The following ACSM5 variants were observed in gnomAD, a reference collection of about 807,000 sequenced individuals.
ACSM5 encodes the protein acyl-coenzyme A synthetase ACSM5, mitochondrial.
Under a neutral mutation model 71.6 loss-of-function variants are expected in ACSM5, and 56 were observed. The ratio of observed to expected loss-of-function variants is 0.78; its 90% CI spans 0.63 to 0.98. The LOEUF (loss-of-function observed/expected upper bound fraction) is 0.98, where lower values mean the gene tolerates loss of function less well. Ranked by LOEUF, ACSM5 falls within the 50% of genes least tolerant of loss-of-function variation. The probability of loss-of-function intolerance (pLI) is 0.00; values close to 1 mark genes in which losing one functional copy is unlikely to be tolerated. For synonymous variants in ACSM5, 285 were observed against 281.5 expected (o/e 1.01, Z -0.12); for missense variants, 723 against 726.0 (o/e 1.00, Z 0.05).
intron 4 of ACSM5, 48 bp from the exon 5 acceptor site, chr16:20,421,206 TACTA>T (rs1303985648): frequency 1.5e-5 from 22 of 1,508,668 alleles, no homozygotes; most frequent in Admixed American, 2.0e-5. Flanking sequence ...TTATTGGTGC[TACTA>T]ACTGTTTTTA....
At chr16:20,419,954 C>A (rs1371857999) in intron 4 of ACSM5, among the ~76,000 whole-genome samples, 1 of 152,186 alleles carries the variant, frequency 6.6e-6, no homozygotes, top group Non-Finnish European at 1.5e-5. Context: ...GTGATGGGCC[C>A]TTTAACCCAG....
At chr16:20,417,161 T>G (rs151293236) in intron 2 of ACSM5, among the ~76,000 whole-genome samples, 2 of 152,138 alleles carry the variant, frequency 1.3e-5, no homozygotes, top group East Asian at 1.9e-4. Flanking sequence ...AAAGTTAACA[T>G]AGAGTTATTA....
At chr16:20,436,972 C>CT in intron 10 of ACSM5, 80 bp from the exon 11 acceptor site, 1 of 1,514,890 alleles carries the variant, frequency 6.6e-7, no homozygotes, top group Non-Finnish European at 9.1e-7. Flanking sequence ...CTCCAGCTTC[C>CT]TACAGGGGGC....
chr16:20,414,774 C>A lies in ACSM5; in HGVS notation c.204+3086C>A, dbSNP rs567916863. Among the ~76,000 whole-genome samples the A allele has an allele frequency of 4.6e-5, 7 of 152,252 alleles. No homozygotes were observed. The East Asian group carries it at 1.4e-3, about 29-fold the overall frequency. ...GGAGCACGGAAAAAAGCCTAGATTG[C>A]CTTGAGCAGACTGTTAGTAGAAATG... On this transcript the variant is annotated intron_variant, in intron 2 of 13. Transcript: ENST00000331849.
In ACSM5 at chr16:20,440,834, GCAGGAA is replaced by G. The variant is rs1430902101; in HGVS notation, c.*410_*415del. On this transcript the variant is annotated 3_prime_UTR_variant, in exon 14 of 14. Transcript: ENST00000331849. ...GTATGTAACCATTTGGCAAAAGTAT[GCAGGAA>G]CATAAAATAAAATATCCTTTAGCTC... The G allele has an allele frequency of 6.3e-6, 1 of 158,852 alleles. No individual in the cohort carries two copies. 9.8% of individuals were successfully genotyped at this position (158,852 alleles called of 1,614,324 possible). A position where few individuals can be genotyped will look rare whatever the true frequency, so the allele number is the denominator to read the frequency against.
At chr16:20,433,677 A>G (rs922450662) in intron 10 of ACSM5, among the ~76,000 whole-genome samples, 2 of 114,138 alleles carry the variant, frequency 1.8e-5, no homozygotes, top group African/African-American at 9.2e-5. Flanking sequence ...CAACTATTTA[A>G]TACAATTTTT....
rs1173470620 is a variant in ACSM5 at position 20,424,070 on chromosome 16, G to A, written c.921+1G>A. ...AGTTGATGCCAAAGTTATCCTGAAT[G>A]TAAGAGGAAAAACCAACAATACCCC... On this transcript the variant is annotated splice_donor_variant, in intron 6 of 13. Transcript: ENST00000331849. LOFTEE classifies it high-confidence loss of function. 1 of 1,613,960 alleles carries A rather than the reference G, an allele frequency of 6.2e-7. No individual in the cohort carries two copies. Among genetic ancestry groups the A allele is most frequent in the Admixed American group, 1.7e-5 (1 of 60,000 alleles).
rs546539171 is a variant in ACSM5, at chr16:20,426,837, C to T, written c.922-951C>T. Among the ~76,000 whole-genome samples, 479 of 152,030 alleles carry T rather than the reference C, an allele frequency of 3.2e-3. 3 individuals carry two copies. The highest frequency in any genetic ancestry group is 5.3e-3 in the Non-Finnish European group (363 of 67,992). On this transcript the variant is annotated intron_variant, in intron 6 of 13. Transcript: ENST00000331849. ...AAATAGTTCTGGAGGTGGATGGTAGCGATGGTTGCACAACACTCTGGAAAT... is the reference window on the plus strand; with the variant it reads ...AAATAGTTCTGGAGGTGGATGGTAGTGATGGTTGCACAACACTCTGGAAAT...
chr16:20,421,133 C>G, intron 4 of ACSM5, 125 bp from the exon 5 acceptor site: 1 of 1,265,480 alleles, frequency 7.9e-7, no homozygotes, highest in Non-Finnish European at 1.0e-6. Context: ...CAAGCCAGAG[C>G]TTTCAGCACA....
At chr16:20,420,480 T>A (rs9928867) in intron 4 of ACSM5, among the ~76,000 whole-genome samples, 2,132 of 152,156 alleles carry the variant, frequency 0.014, 49 homozygotes, top group African/African-American at 0.048. Context: ...CACGCCTATA[T>A]TCCCAGCTAT....
chr16:20,437,633 G>C (rs1284380224), intron 12 of ACSM5, among the ~76,000 whole-genome samples: 4 of 142,058 alleles, frequency 2.8e-5, no homozygotes. Flanking sequence ...GGAGATCTTG[G>C]GGGAGGTGCA....
chr16:20,417,841 T>C (rs1263128201), intron 2 of ACSM5, among the ~76,000 whole-genome samples: 1 of 152,166 alleles, frequency 6.6e-6, no homozygotes, highest in Non-Finnish European at 1.5e-5. Flanking sequence ...TGCAAAAAAC[T>C]AATAAAATTG....
At chr16:20,437,424 AG>A (rs1967225592) in intron 12 of ACSM5, 57 bp downstream of exon 12, 1 of 1,291,218 alleles carries the variant, frequency 7.7e-7, no homozygotes, top group African/African-American at 1.5e-5. Flanking sequence ...AGCACCCAGC[AG>A]AACAAGCAGG....
In ACSM5 at chr16:20,437,170, ATTC is replaced by A; in HGVS notation, c.1431_1433del (p.Ser479del). The A allele has an allele frequency of 1.9e-6, 3 of 1,614,204 alleles. No homozygotes were observed. Among genetic ancestry groups the A allele is most frequent in the Non-Finnish European group, 2.5e-6 (3 of 1,180,026 alleles). On this transcript the variant is annotated inframe_deletion, in exon 11 of 14. Transcript: ENST00000331849. ...ATGGGAAGAAACGACGATGTGATCAATTCTTCAAGGTCAAGCTGTCTGCACTTT... is the reference window on the plus strand; with the variant it reads ...ATGGGAAGAAACGACGATGTGATCAATTCAAGGTCAAGCTGTCTGCACTTT...
chr16:20,429,601 A>T (rs1967053348), intron 7 of ACSM5, 77 bp from the exon 8 acceptor site: 1 of 1,594,292 alleles, frequency 6.3e-7, no homozygotes, highest in South Asian at 1.1e-5. Context: ...TGGTGTTTGC[A>T]TCTGGGCAGT....
intron 7 of ACSM5, among the ~76,000 whole-genome samples, 179 bp from the exon 8 acceptor site, chr16:20,429,499 T>G (rs1213282934): frequency 1.3e-5 from 2 of 152,148 alleles, no homozygotes; most frequent in East Asian, 3.9e-4. Flanking sequence ...CTTTTAAAAA[T>G]TATCTGTCCA....
At chr16:20,418,310 C>A (rs1316034762) in intron 3 of ACSM5, 41 bp downstream of exon 3, 6 of 1,570,090 alleles carry the variant, frequency 3.8e-6, no homozygotes, top group Admixed American at 3.6e-5. Context: ...GGGGCAGACA[C>A]AACTTGCCAG....
At chr16:20,436,087 TCC>T (rs1325609266) in intron 10 of ACSM5, among the ~76,000 whole-genome samples, 14 of 124,890 alleles carry the variant, frequency 1.1e-4, no homozygotes, top group East Asian at 9.6e-4. Context: ...CTTCCTTCCT[TCC>T]TTTTCTCTTT....
Position 20,418,412 on chromosome 16 carries a change from A to G in ACSM5, c.415+143A>G. ...CTTCCTATTTGCCTAACAATCACAG[A>G]CTTGATTGTATAGTAGGGGCCAGAC... is the stretch of plus-strand genomic sequence containing the variant. On this transcript the variant is annotated intron_variant, in intron 3 of 13. Transcript: ENST00000331849. 4.7e-6 allele frequency: 4 copies of G among 851,568 alleles called. No individual in the cohort carries two copies. In the South Asian group the frequency reaches 7.4e-5, roughly 16 times the overall value. The allele number at this position is 851,568 out of a possible 1,614,324, so 52.8% of individuals were successfully genotyped here. A position where few individuals can be genotyped will look rare whatever the true frequency, so the allele number is the denominator to read the frequency against.
Sources: allele counts gnomAD v4.1 joint callset (sites outside exome capture counted in the v4.1 genomes callset), GRCh38; gene constraint gnomAD v4.1.1; transcripts MANE v1.5; gene names NCBI Gene and HGNC (gene_info 2026-07-23, HGNC 2026-07-21).